The following OVCH2 variants were observed in gnomAD, a reference collection of about 807,000 sequenced individuals.
OVCH2 encodes ovochymase 2, also known as ovochymase-2.
OVCH2 carries 88 observed loss-of-function variants against 73.7 expected under a neutral mutation model. That is an observed-to-expected ratio of 1.19 (90% CI 1.01 to 1.43). The LOEUF (loss-of-function observed/expected upper bound fraction) is 1.43, where lower values mean the gene tolerates loss of function less well. Ranked by LOEUF, OVCH2 falls within the 40% of genes most tolerant of loss-of-function variation. The pLI, the probability that OVCH2 is intolerant of heterozygous loss-of-function variation, is 0.00. For missense variants in OVCH2, 706 were observed against 674.5 expected, an observed-to-expected ratio of 1.05 and a Z score of -0.52; for synonymous variants, 265 against 234.5, an observed-to-expected ratio of 1.13 and a Z score of -1.19.
At chr11:7,699,575 ATTG>A (rs1305982174) in intron 7 of OVCH2, 3 of 152,140 alleles carry the variant, frequency 2.0e-5, no homozygotes, top group African/African-American at 7.2e-5. Flanking sequence ...TGTTATTTTT[ATTG>A]TTTTTATTTT....
At chr11:7,683,682 C>T in the OVCH2 span, among the ~76,000 whole-genome samples, 268 of 152,306 alleles carry the variant, frequency 1.8e-3, 1 homozygote, top group Non-Finnish European at 3.1e-3. Flanking sequence ...TGTCCTCCCA[C>T]CTACCTTCTC....
At chr11:7,701,923 T>C (rs921265273) in intron 4 of OVCH2, 112 bp from the exon 5 acceptor site, 3 of 940,076 alleles carry the variant, frequency 3.2e-6, no homozygotes, top group East Asian at 5.3e-5. Context: ...AGAGTTGTGA[T>C]AGCTCTGCCT....
At chr11:7,679,752 G>A in the OVCH2 span, among the ~76,000 whole-genome samples, 1 of 152,192 alleles carries the variant, frequency 6.6e-6, no homozygotes, top group Non-Finnish European at 1.5e-5. Flanking sequence ...AAAGTTGGAT[G>A]GAACCTTCAG....
downstream of OVCH2, among the ~76,000 whole-genome samples, chr11:7,684,502 ACATATGTGTGTGTG>A (rs1856121147): frequency 9.6e-6 from 1 of 104,254 alleles, no homozygotes; most frequent in East Asian, 2.3e-4. Flanking sequence ...ACACATACAT[ACATATGTGTGTGTG>A]TGTGTGTGTG....
chr11:7,695,557 T>G lies in OVCH2; in HGVS notation c.1282+13A>C, dbSNP rs781442851. ...GGTGGAGATAGTATGTGATTAAAAGTAAATGGTTTTACCAGGAATGTAGTT... is the reference window on the plus strand; with the variant it reads ...GGTGGAGATAGTATGTGATTAAAAGGAAATGGTTTTACCAGGAATGTAGTT... On this transcript the variant is annotated intron_variant, in intron 11 of 15. Transcript: ENST00000533663. The G allele has an allele frequency of 1.1e-5, 18 of 1,607,260 alleles. No homozygotes were observed. The highest frequency in any genetic ancestry group is 3.3e-5 in the South Asian group (3 of 90,336).
chr11:7,696,424 T>C (rs1452440100), intron 10 of OVCH2, 41 bp downstream of exon 10: 7 of 1,612,594 alleles, frequency 4.3e-6, no homozygotes, highest in Non-Finnish European at 5.9e-6. Flanking sequence ...TTAAGCCCAC[T>C]TGGCACTGGT....
intron 13 of OVCH2, 65 bp downstream of exon 13, chr11:7,691,837 C>G: frequency 8.0e-7 from 1 of 1,248,542 alleles, no homozygotes; most frequent in South Asian, 1.3e-5. Context: ...GTCTCCTTTT[C>G]GTTCCCATCT....
intron 4 of OVCH2, 64 bp downstream of exon 4, chr11:7,702,093 G>A (rs1856451980): frequency 5.0e-6 from 7 of 1,400,848 alleles, no homozygotes; most frequent in Non-Finnish European, 6.0e-6. Context: ...CAGGAAATGT[G>A]CTATGGCACA....
intron 14 of OVCH2, among the ~76,000 whole-genome samples, chr11:7,690,965 G>A (rs1057498207): frequency 1.3e-5 from 2 of 152,122 alleles, no homozygotes; most frequent in South Asian, 2.1e-4. Flanking sequence ...TTTAATGGCC[G>A]TGAATTCATT....
At chr11:7,692,619 G>A (rs1398022065) in intron 12 of OVCH2, among the ~76,000 whole-genome samples, 1 of 152,190 alleles carries the variant, frequency 6.6e-6, no homozygotes, top group South Asian at 2.1e-4. Context: ...ATTTGCATAA[G>A]TGGGCTCGGA....
rs947142876 is a variant in OVCH2, at chr11:7,706,318, G to A, written c.77C>T (p.Ser26Leu). ...FFERGKSATL[S>L]LPKAPSCGQS... ...CATTTGAAACTTACCTTTGGGGAGC[G>A]AAAGAGTTGCAGATTTACCTCGTTC... The change falls in exon 1 of 16, where the codon TCG (serine) becomes TTG (leucine). Residue 26 changes from serine to leucine, a missense_variant. Ser to Leu is a moderately radical substitution (Grantham distance 145). Coordinates refer to ENST00000533663, the MANE Select transcript of OVCH2 (RefSeq NM_198185.7). 28 of 1,587,472 alleles carry A rather than the reference G, an allele frequency of 1.8e-5. No homozygotes were observed. The Middle Eastern group carries it at 5.0e-4, about 28-fold the overall frequency.
At chr11:7,701,206 AC>A (rs2136160789) in intron 6 of OVCH2, 117 bp downstream of exon 6, 1 of 1,274,864 alleles carries the variant, frequency 7.8e-7, no homozygotes. Flanking sequence ...TCTTTATTCT[AC>A]CCCTCCAATA....
chr11:7,701,859 A>G, intron 4 of OVCH2, 48 bp from the exon 5 acceptor site: 3 of 1,497,784 alleles, frequency 2.0e-6, no homozygotes, highest in Non-Finnish European at 2.7e-6. Context: ...GGAGGAGAGG[A>G]CACTATAAGC....
chr11:7,694,245 T>C, intron 12 of OVCH2, among the ~76,000 whole-genome samples: 1 of 152,226 alleles, frequency 6.6e-6, no homozygotes, highest in East Asian at 1.9e-4. Flanking sequence ...TCCCTGATGA[T>C]ATCTCTCTGC....
intron 10 of OVCH2, among the ~76,000 whole-genome samples, chr11:7,696,151 C>T (rs1856327630): frequency 6.6e-6 from 1 of 152,164 alleles, no homozygotes; most frequent in Non-Finnish European, 1.5e-5. Context: ...GCTAGGAAAG[C>T]AGTGAGCTGT....
At position 7,695,200 on chromosome 11, in the gene OVCH2, G is replaced by T; in HGVS notation, c.1283-12C>A. 6.4e-7 allele frequency: 1 copy of T among 1,551,366 alleles called. No homozygotes were observed. The highest frequency in any genetic ancestry group is 2.4e-5 in the East Asian group (1 of 41,866). ...ACTGCAACCTGAATCTGAAACGTAA[G>T]AAAAAGTCCAAACAGATGGCACCAT... On this transcript the variant is annotated splice_polypyrimidine_tract_variant and intron_variant, in intron 11 of 15. Transcript: ENST00000533663.
In OVCH2 at chr11:7,693,027, C is replaced by G. The variant is rs576936509; in HGVS notation, c.1414-1032G>C. 4.6e-5 allele frequency among the ~76,000 whole-genome samples: 7 copies of G among 152,264 alleles called. No individual in the cohort carries two copies. In the South Asian group the frequency reaches 6.2e-4, roughly 14 times the overall value. On this transcript the variant is annotated intron_variant, in intron 12 of 15. Coordinates refer to ENST00000533663, the MANE Select transcript of OVCH2 (RefSeq NM_198185.7). ...TTTGTTTCAGGAAAAGGGAGGGGAACTATCTAGATAGAAGGAACAGTGTGA... is the reference window on the plus strand; with the variant it reads ...TTTGTTTCAGGAAAAGGGAGGGGAAGTATCTAGATAGAAGGAACAGTGTGA...
At chr11:7,706,160 C>G in intron 1 of OVCH2, 147 bp downstream of exon 1, 1 of 834,928 alleles carries the variant, frequency 1.2e-6, no homozygotes, top group East Asian at 2.7e-5. Flanking sequence ...GGAGATAAGT[C>G]CAAAATAATT....
chr11:7,695,438 G>A (rs1228867149), intron 11 of OVCH2, 132 bp downstream of exon 11: 3 of 995,106 alleles, frequency 3.0e-6, no homozygotes, highest in Non-Finnish European at 4.4e-6. Flanking sequence ...TCTCTAGTTG[G>A]CCTGTGCCCC....
Sources: gnomAD v4.1 joint callset for allele counts (sites outside exome capture counted in the v4.1 genomes callset) on GRCh38, gnomAD v4.1.1 for gene constraint, MANE v1.5 for transcripts, NCBI Gene and HGNC (gene_info 2026-07-23, HGNC 2026-07-21) for gene names.